ATXN7: variants seen among roughly 807,000 people sequenced by gnomAD.
ATXN7 encodes ataxin-7.
In ATXN7, 12 loss-of-function variants were observed where a neutral mutation model predicts 70.5. The ratio of observed to expected loss-of-function variants is 0.17; its 90% CI spans 0.11 to 0.28. The LOEUF is 0.28. ATXN7 is among the 10% of genes least tolerant of loss of function. The pLI is 1.00. For synonymous variants in ATXN7, 498 were observed against 448.7 expected (o/e 1.11, Z -1.39); for missense variants, 1,256 against 1,131.7 (o/e 1.11, Z -1.58).
chr3:63,926,131 T>C (rs1704705664), intron 4 of ATXN7, among the ~76,000 whole-genome samples: 1 of 152,202 alleles, frequency 6.6e-6, no homozygotes, highest in Non-Finnish European at 1.5e-5. Flanking sequence ...TAAAACCCTT[T>C]AATGGTTTCT....
chr3:63,922,002 A>G (rs549214548), intron 4 of ATXN7, among the ~76,000 whole-genome samples: 2 of 152,212 alleles, frequency 1.3e-5, no homozygotes, highest in East Asian at 3.9e-4. Context: ...GAGTGTAGCA[A>G]ATGAACCGCA....
intron 5 of ATXN7, among the ~76,000 whole-genome samples, chr3:63,969,930 G>A (rs965160360): frequency 6.6e-6 from 1 of 152,188 alleles, no homozygotes; most frequent in Non-Finnish European, 1.5e-5. Flanking sequence ...GAATGATGGT[G>A]TAAGAGGGAG....
At chr3:63,894,715 C>T (rs1035878943) in intron 1 of ATXN7, among the ~76,000 whole-genome samples, 8 of 152,076 alleles carry the variant, frequency 5.3e-5, no homozygotes, top group African/African-American at 9.7e-5. Flanking sequence ...TCTGTAGAGA[C>T]GGCGTCTCAC....
In ATXN7 at chr3:63,887,881, C is replaced by CT. The variant is rs767232389; in HGVS notation, c.-110-10503dup. Among the ~76,000 whole-genome samples the CT allele has an allele frequency of 8.2e-3, 1,085 of 132,886 alleles. 5 individuals carry two copies. The highest frequency in any genetic ancestry group is 0.013 in the African/African-American group (457 of 36,192). The allele number at this position is 132,886 out of a possible 152,430, so 87.2% of individuals were successfully genotyped here. ...TATCGCTGTCCTCAGCCTCTGTCTTCTTTTTTTTTTTTTTTAATGGAAAAA... is the reference window on the plus strand; with the variant it reads ...TATCGCTGTCCTCAGCCTCTGTCTTCTTTTTTTTTTTTTTTTAATGGAAAAA... On this transcript the variant is annotated intron_variant, in intron 1 of 12. Transcript: ENST00000674280.
chr3:63,929,170 A>G (rs767812644), intron 4 of ATXN7, among the ~76,000 whole-genome samples: 2 of 152,172 alleles, frequency 1.3e-5, no homozygotes, highest in Non-Finnish European at 2.9e-5. Context: ...CAATGTCTAC[A>G]TCTGAGAAGA....
intron 2 of ATXN7, among the ~76,000 whole-genome samples, chr3:63,909,546 C>T (rs1703944058): frequency 6.6e-6 from 1 of 152,188 alleles, no homozygotes; most frequent in African/African-American, 2.4e-5. Flanking sequence ...TATTGGGTTT[C>T]TGTTGTACTC....
intron 5 of ATXN7, among the ~76,000 whole-genome samples, chr3:63,954,538 G>A (rs2075006983): frequency 6.6e-6 from 1 of 152,160 alleles, no homozygotes; most frequent in Admixed American, 6.5e-5. Flanking sequence ...CCAGAGTGAT[G>A]TGACTTAGTG....
intron 1 of ATXN7, among the ~76,000 whole-genome samples, chr3:63,887,274 C>T (rs1703117335): frequency 6.6e-6 from 1 of 152,206 alleles, no homozygotes; most frequent in Non-Finnish European, 1.5e-5. Flanking sequence ...AAATGACTTA[C>T]ACTGGCTTTG....
chr3:63,921,339 T>G (rs936940918), intron 4 of ATXN7, among the ~76,000 whole-genome samples: 6 of 152,236 alleles, frequency 3.9e-5, no homozygotes, highest in Non-Finnish European at 8.8e-5. Context: ...GGTAATGCTT[T>G]TAACCAGTGG....
At chr3:63,867,493 C>T (rs1447160190) in intron 1 of ATXN7, among the ~76,000 whole-genome samples, 2 of 152,212 alleles carry the variant, frequency 1.3e-5, no homozygotes, top group East Asian at 3.9e-4. Flanking sequence ...CATGAGCCAT[C>T]ACAGAATGAC....
chr3:63,907,292 A>G lies in ATXN7; in HGVS notation c.-11-5296A>G, dbSNP rs112524755. 2.2e-3 allele frequency among the ~76,000 whole-genome samples: 338 copies of G among 152,230 alleles called. 1 individual carries two copies. Among genetic ancestry groups the G allele is most frequent in the African/African-American group, 7.1e-3 (293 of 41,548 alleles). On this transcript the variant is annotated intron_variant, in intron 2 of 12. Coordinates refer to ENST00000674280, the MANE Select transcript of ATXN7 (RefSeq NM_001377405.1). ...CACGCTCTTAATGGCTGAGCCCCCA[A>G]AAATGGTGATATTTACAGCATTGTC...
At chr3:63,875,647 G>C (rs1480429831) in intron 1 of ATXN7, among the ~76,000 whole-genome samples, 1 of 152,032 alleles carries the variant, frequency 6.6e-6, no homozygotes, top group African/African-American at 2.4e-5. Context: ...TCTTTTCCCT[G>C]TAATTACCAC....
intron 11 of ATXN7, among the ~76,000 whole-genome samples, chr3:63,993,731 G>T (rs2075710485): frequency 6.6e-6 from 1 of 152,124 alleles, no homozygotes; most frequent in Non-Finnish European, 1.5e-5. Context: ...GCTCTAGAAG[G>T]CTTTTCCTTT....
At chr3:63,977,903 A>G (rs1167282940) in intron 5 of ATXN7, among the ~76,000 whole-genome samples, 1 of 152,252 alleles carries the variant, frequency 6.6e-6, no homozygotes, top group Non-Finnish European at 1.5e-5. Flanking sequence ...TATTTTATGT[A>G]GCTTTGGTAA....
intron 4 of ATXN7, among the ~76,000 whole-genome samples, chr3:63,935,043 C>T (rs1191392300): frequency 6.6e-6 from 1 of 152,138 alleles, no homozygotes; most frequent in East Asian, 1.9e-4. Flanking sequence ...ATATAGAAAG[C>T]CCTGAGCACA....
Position 63,995,972 on chromosome 3 carries a change from C to A in ATXN7, c.2150C>A (p.Ser717Tyr), listed in dbSNP as rs373055531. 2 of 1,613,806 alleles carry A rather than the reference C, an allele frequency of 1.2e-6. No individual in the cohort carries two copies. Among genetic ancestry groups the A allele is most frequent in the South Asian group, 2.2e-5 (2 of 91,058 alleles). ...AACAGTTCCCCACTGTTGGTTCACT[C>A]TTCCTCCTCCTCTTCCTCCTCCTCC... ...RKNSSPLLVH[S>Y]SSSSSSSSSS... The change falls in exon 12 of 13, where the codon TCT becomes TAT. Residue 717 changes from serine to tyrosine, a missense_variant. Physicochemically the swap from Ser to Tyr is moderately radical, Grantham distance 144. Transcript: ENST00000674280.
intron 4 of ATXN7, among the ~76,000 whole-genome samples, chr3:63,941,326 G>A (rs2074763783): frequency 6.6e-6 from 1 of 152,166 alleles, no homozygotes. Context: ...GTTTGGGAGA[G>A]AGAGAGGAAT....
At chr3:63,921,461 T>C (rs982682938) in intron 4 of ATXN7, among the ~76,000 whole-genome samples, 5 of 152,230 alleles carry the variant, frequency 3.3e-5, no homozygotes, top group African/African-American at 1.2e-4. Flanking sequence ...ATGAGAACAT[T>C]GTTTTGGAAT....
chr3:63,990,762 A>G lies in ATXN7; in HGVS notation c.1585A>G (p.Ile529Val). Residue 529 changes from isoleucine to valine, a missense_variant, in exon 11 of 13, where the codon ATA (isoleucine) becomes GTA (valine). Physicochemically the swap from Ile to Val is conservative, Grantham distance 29. Coordinates refer to ENST00000674280, the MANE Select transcript of ATXN7 (RefSeq NM_001377405.1). Reference protein sequence around the residue: ...ASFCTFGSRQIGRGYYVFDSR... With the variant: ...ASFCTFGSRQVGRGYYVFDSR... ...GTTTTGCACATTTGGGAGCCGGCAG[A>G]TAGGAAGAGGCTATTACGTGTTTGA... 1 of 1,614,120 alleles carries G rather than the reference A, an allele frequency of 6.2e-7. No individual in the cohort carries two copies. Among genetic ancestry groups the G allele is most frequent in the Non-Finnish European group, 8.5e-7 (1 of 1,179,990 alleles).
Sources: gnomAD v4.1 joint callset for allele counts (sites outside exome capture counted in the v4.1 genomes callset) on GRCh38, gnomAD v4.1.1 for gene constraint, MANE v1.5 for transcripts, NCBI Gene and HGNC (gene_info 2026-07-23, HGNC 2026-07-21) for gene names.